MGAT5: variants seen among roughly 807,000 people sequenced by gnomAD.
MGAT5 encodes the protein alpha-1,6-mannosylglycoprotein 6-beta-N-acetylglucosaminyltransferase.
MGAT5 carries 30 observed loss-of-function variants against 94.3 expected under a neutral mutation model. The observed-to-expected ratio is 0.32, with a 90% CI of 0.24 to 0.43. The LOEUF is 0.43. Ranked by LOEUF, MGAT5 falls within the 20% of genes least tolerant of loss-of-function variation. The pLI, the probability that MGAT5 is intolerant of heterozygous loss-of-function variation, is 1.00. For synonymous variants in MGAT5, 310 were observed against 322.9 expected (o/e 0.96, Z 0.43); for missense variants, 691 against 905.5 (o/e 0.76, Z 3.04).
intron 1 of MGAT5, among the ~76,000 whole-genome samples, chr2:134,165,499 G>A (rs1687928855): frequency 6.6e-6 from 1 of 152,158 alleles, no homozygotes; most frequent in Non-Finnish European, 1.5e-5. Flanking sequence ...TCCAGGGCCG[G>A]GCGCGGTGGC....
At chr2:134,366,631 C>G (rs1026382636) in intron 10 of MGAT5, among the ~76,000 whole-genome samples, 1 of 152,152 alleles carries the variant, frequency 6.6e-6, no homozygotes, top group South Asian at 2.1e-4. Context: ...CTGATGGCTT[C>G]TCAGCCTTAC....
chr2:134,203,671 G>A (rs976034710), intron 1 of MGAT5, among the ~76,000 whole-genome samples: 3 of 151,926 alleles, frequency 2.0e-5, no homozygotes, highest in African/African-American at 2.4e-5. Flanking sequence ...CCAGAGCCAC[G>A]TTGTGACTCT....
At chr2:134,402,945 T>C in intron 10 of MGAT5, 43 bp from the exon 11 acceptor site, 2 of 1,544,768 alleles carry the variant, frequency 1.3e-6, no homozygotes, top group Non-Finnish European at 1.7e-6. Context: ...GTTATGCAAA[T>C]GAAAGAAAAA....
intron 1 of MGAT5, among the ~76,000 whole-genome samples, chr2:134,125,681 G>A (rs1187287618): frequency 6.6e-6 from 1 of 152,192 alleles, no homozygotes; most frequent in East Asian, 1.9e-4. Flanking sequence ...GATGGCCACT[G>A]GGCATCTGTT....
At chr2:134,419,592 A>G (rs1019263501) in intron 12 of MGAT5, among the ~76,000 whole-genome samples, 1 of 152,080 alleles carries the variant, frequency 6.6e-6, no homozygotes, top group Non-Finnish European at 1.5e-5. Flanking sequence ...ACTATACTCC[A>G]GTAAATTTAT....
intron 1 of MGAT5, among the ~76,000 whole-genome samples, chr2:134,263,830 A>C (rs1273445692): frequency 6.6e-6 from 1 of 152,044 alleles, no homozygotes; most frequent in Non-Finnish European, 1.5e-5. Context: ...CATATGAGGA[A>C]GTATGGAGAA....
At chr2:134,338,123 C>A in intron 5 of MGAT5, 136 bp from the exon 6 acceptor site, 1 of 697,828 alleles carries the variant, frequency 1.4e-6, no homozygotes, top group Non-Finnish European at 2.3e-6. Context: ...GTCAAAGCTG[C>A]AGCAGACAAG....
intron 1 of MGAT5, among the ~76,000 whole-genome samples, chr2:134,223,313 G>A (rs577483567): frequency 6.6e-6 from 1 of 152,172 alleles, no homozygotes; most frequent in Non-Finnish European, 1.5e-5. Flanking sequence ...GTCCCTGGGC[G>A]TAGAGCAGGG....
At chr2:134,428,092 C>T (rs1684685613) in intron 13 of MGAT5, among the ~76,000 whole-genome samples, 1 of 152,200 alleles carries the variant, frequency 6.6e-6, no homozygotes. Context: ...CACCTTTTTT[C>T]TCCCAGATAA....
chr2:134,346,946 T>G (rs951629067), intron 8 of MGAT5, among the ~76,000 whole-genome samples: 1 of 152,094 alleles, frequency 6.6e-6, no homozygotes, highest in African/African-American at 2.4e-5. Context: ...TTCATAGTAG[T>G]GTGGCTGAGA....
At chr2:134,446,605 C>A (rs562766150) in intron 15 of MGAT5, among the ~76,000 whole-genome samples, 44 of 152,264 alleles carry the variant, frequency 2.9e-4, no homozygotes, top group Non-Finnish European at 4.4e-4. Context: ...TTTAGGAAAT[C>A]CATAAAAATT....
At chr2:134,399,104 G>T (rs1004067922) in intron 10 of MGAT5, among the ~76,000 whole-genome samples, 1 of 152,182 alleles carries the variant, frequency 6.6e-6, no homozygotes, top group Non-Finnish European at 1.5e-5. Flanking sequence ...TGTTTGAGGT[G>T]ATGGATACCC....
intron 1 of MGAT5, among the ~76,000 whole-genome samples, chr2:134,220,914 C>T (rs935753234): frequency 3.3e-5 from 5 of 152,200 alleles, no homozygotes; most frequent in Admixed American, 2.0e-4. Context: ...CAGTACTCCA[C>T]GCTGTCAGCA....
chr2:134,288,914 C>T (rs1444126831), intron 2 of MGAT5, among the ~76,000 whole-genome samples: 1 of 152,188 alleles, frequency 6.6e-6, no homozygotes, highest in Non-Finnish European at 1.5e-5. Context: ...CTCATTGTCA[C>T]TGTTTTCACA....
Position 134,318,634 on chromosome 2 carries a change from G to A in MGAT5, c.484-16G>A. The A allele has an allele frequency of 6.2e-7, 1 of 1,605,100 alleles. No individual in the cohort carries two copies. The highest frequency in any genetic ancestry group is 8.5e-7 in the Non-Finnish European group (1 of 1,172,006). ...GCCTGTGAATGGGCTGCTCAGAGAT[G>A]TTCTTCTTGTTTCAGTGGATGAAAG... is the stretch of plus-strand genomic sequence containing the variant. On this transcript the variant is annotated splice_polypyrimidine_tract_variant and intron_variant, in intron 3 of 15. Transcript: ENST00000281923.
At chr2:134,260,666 T>C (rs1170383145) in intron 1 of MGAT5, among the ~76,000 whole-genome samples, 1 of 151,892 alleles carries the variant, frequency 6.6e-6, no homozygotes, top group Admixed American at 6.6e-5. Context: ...TAGGGAAATA[T>C]GGTCAAGGAA....
intron 10 of MGAT5, among the ~76,000 whole-genome samples, chr2:134,365,075 A>C (rs183586271): frequency 7.1e-4 from 108 of 152,244 alleles, no homozygotes; most frequent in African/African-American, 2.4e-3. Context: ...TCAGGAAGGG[A>C]AGTGGCACCT....
chr2:134,407,263 A>G lies in MGAT5; in HGVS notation c.1530+4126A>G, dbSNP rs192027425. On this transcript the variant is annotated intron_variant, in intron 11 of 15. Transcript: ENST00000281923. The stretch of plus-strand genomic sequence containing the variant: ...GAGGAGCAGTCCTTCTTCTGTTTCT[A>G]TTACAGATACTGGTTCCCATTTGCC... 1.2e-4 allele frequency among the ~76,000 whole-genome samples: 19 copies of G among 152,236 alleles called. No homozygotes were observed. In the East Asian group the frequency reaches 2.7e-3, roughly 22 times the overall value.
intron 1 of MGAT5, among the ~76,000 whole-genome samples, chr2:134,127,992 G>A (rs1685928873): frequency 6.6e-6 from 1 of 151,992 alleles, no homozygotes; most frequent in Non-Finnish European, 1.5e-5. Context: ...GTCTCATGCA[G>A]GTCAACAAAT....
Sources: allele counts gnomAD v4.1 joint callset (sites outside exome capture counted in the v4.1 genomes callset), GRCh38; gene constraint gnomAD v4.1.1; transcripts MANE v1.5; gene names NCBI Gene and HGNC (gene_info 2026-07-23, HGNC 2026-07-21).